DGKA: variants seen among roughly 807,000 people sequenced by gnomAD.
DGKA encodes 80 kDa diacylglycerol kinase.
In DGKA, 35 loss-of-function variants were observed where a neutral mutation model predicts 105.0. That is an observed-to-expected ratio of 0.33 (90% CI 0.25 to 0.44). DGKA has a LOEUF of 0.44. Among genes scored for constraint, DGKA ranks in the 20% least tolerant of loss-of-function variants. DGKA has a pLI of 1.00. For synonymous variants in DGKA, 296 were observed against 332.0 expected (o/e 0.89, Z 1.18); for missense variants, 665 against 915.0 (o/e 0.73, Z 3.53).
chr12:55,950,558 G>A (rs1041551221), intron 17 of DGKA, among the ~76,000 whole-genome samples: 19 of 152,020 alleles, frequency 1.2e-4, no homozygotes, highest in Admixed American at 4.6e-4. Flanking sequence ...CGCCCGCCTC[G>A]GCCTCCCAAA....
At position 55,941,430 on chromosome 12, in the gene DGKA, A is replaced by C. The variant is rs577791780; in HGVS notation, c.1176-80A>C. On this transcript the variant is annotated intron_variant, in intron 14 of 23. Coordinates refer to ENST00000331886, the MANE Select transcript of DGKA (RefSeq NM_001345.5). ...GTGTCTGGAGGGGCATACCTTGAGG[A>C]ACACACAAAGAGGGTGAGGTTCAGA... 5 of 1,585,816 alleles carry C rather than the reference A, an allele frequency of 3.2e-6. No individual in the cohort carries two copies. The East Asian group carries it at 1.1e-4, about 35-fold the overall frequency.
At position 55,932,573 on chromosome 12, in the gene DGKA, T is replaced by C. The variant is rs915793272; in HGVS notation, c.-82+1229T>C. On this transcript the variant is annotated intron_variant, in intron 1 of 23. Transcript: ENST00000331886. This position sits in a 1 kb window ranked among gnomAD's most constrained non-coding sequence, Gnocchi z 4.3. Reference sequence around the variant, plus strand: ...TTCACCTTGATAGGAGAAATGAGCCTTCCTGAGGAAGAATGGCAAATATTA... The same window carrying C: ...TTCACCTTGATAGGAGAAATGAGCCCTCCTGAGGAAGAATGGCAAATATTA... 8.5e-6 allele frequency: 6 copies of C among 702,228 alleles called. No individual in the cohort carries two copies. The highest frequency in any genetic ancestry group is 2.3e-4 in the Middle Eastern group (1 of 4,386). 43.5% of individuals were successfully genotyped at this position (702,228 alleles called of 1,614,324 possible). A position where few individuals can be genotyped will look rare whatever the true frequency, so the allele number is the denominator to read the frequency against.
intron 15 of DGKA, among the ~76,000 whole-genome samples, 159 bp from the exon 16 acceptor site, chr12:55,941,839 C>T (rs537021902): frequency 5.9e-5 from 9 of 152,260 alleles, no homozygotes; most frequent in Admixed American, 2.0e-4. Flanking sequence ...ATAACTTTCC[C>T]CATTGTTCTT....
chr12:55,928,778 G>A (rs1264563350), upstream of DGKA, among the ~76,000 whole-genome samples: 2 of 149,910 alleles, frequency 1.3e-5, no homozygotes, highest in African/African-American at 4.9e-5. Context: ...TCTGGGGGCC[G>A]CAGCTTGCCT....
chr12:55,942,150 C>T, intron 16 of DGKA, 24 bp from the exon 17 acceptor site: 1 of 1,614,096 alleles, frequency 6.2e-7, no homozygotes, highest in South Asian at 1.1e-5. Flanking sequence ...CTCACTCCAT[C>T]CTTCTCTTCA....
At chr12:55,944,920 C>T (rs1261615065) in intron 17 of DGKA, among the ~76,000 whole-genome samples, 1 of 152,174 alleles carries the variant, frequency 6.6e-6, no homozygotes, top group Non-Finnish European at 1.5e-5. Flanking sequence ...CTGCCTTACC[C>T]TCCCGAGTAG....
chr12:55,947,303 C>A (rs1054513610), intron 17 of DGKA, among the ~76,000 whole-genome samples: 3 of 152,030 alleles, frequency 2.0e-5, no homozygotes, highest in Non-Finnish European at 4.4e-5. Context: ...ATTTTTAAAA[C>A]CTTTTTTCTT....
intron 17 of DGKA, among the ~76,000 whole-genome samples, chr12:55,944,693 A>C (rs1886665618): frequency 1.3e-5 from 2 of 152,200 alleles, no homozygotes; most frequent in Non-Finnish European, 2.9e-5. Context: ...TGGATAACTG[A>C]TAGGTTGTGG....
Position 55,940,142 on chromosome 12 carries a change from C to T in DGKA, c.770C>T (p.Thr257Ile). The change falls in exon 10 of 24, where the codon ACC (threonine) becomes ATC (isoleucine). Residue 257 changes from threonine to isoleucine, a missense_variant. Thr to Ile is a moderately conservative substitution (Grantham distance 89, BLOSUM62 -1). Coordinates refer to ENST00000331886, the MANE Select transcript of DGKA (RefSeq NM_001345.5). This position sits in a 1 kb window ranked among gnomAD's most constrained non-coding sequence, Gnocchi z 4.3. ...AAAGCCCTGCCTTGTGAAGTCAGCA[C>T]CTATGCCAAGTCTCGGAAGGACATT... ...AMKALPCEVS[T>I]YAKSRKDIGV... is the part of the protein sequence containing the mutation. 1.2e-6 allele frequency: 2 copies of T among 1,614,240 alleles called. No homozygotes were observed. Among genetic ancestry groups the T allele is most frequent in the Non-Finnish European group, 1.7e-6 (2 of 1,180,040 alleles).
At chr12:55,941,127 G>A (rs887769597) in intron 13 of DGKA, 125 bp from the exon 14 acceptor site, 1 of 1,361,566 alleles carries the variant, frequency 7.3e-7, no homozygotes, top group African/African-American at 1.5e-5. Context: ...GGGAAGGGGA[G>A]GGAAACAGGA....
chr12:55,942,114 T>G, intron 16 of DGKA, 31 bp downstream of exon 16: 3 of 1,613,858 alleles, frequency 1.9e-6, no homozygotes, highest in African/African-American at 2.7e-5. Context: ...GGGGAAGGTA[T>G]TGGGGTCGTA....
At position 55,932,677 on chromosome 12, in the gene DGKA, C is replaced by CGGT; in HGVS notation, c.-82+1334_-82+1335insGTG. ...AGTATCGTAACTTCCTCCTATACTA[C>CGGT]GCAATGACACCCTCTACACACACAC... On this transcript the variant is annotated intron_variant, in intron 1 of 23. Coordinates refer to ENST00000331886, the MANE Select transcript of DGKA (RefSeq NM_001345.5). This position sits in a 1 kb window ranked among gnomAD's most constrained non-coding sequence, Gnocchi z 4.3. 1.5e-6 allele frequency: 1 copy of CGGT among 684,666 alleles called. No individual in the cohort carries two copies. Among genetic ancestry groups the CGGT allele is most frequent in the Non-Finnish European group, 2.7e-6 (1 of 375,392 alleles). The allele number at this position is 684,666 out of a possible 1,614,324, so 42.4% of individuals were successfully genotyped here.
At chr12:55,927,384 C>T (rs1266260385), upstream of DGKA, 1 of 715,550 alleles carries the variant, frequency 1.4e-6, no homozygotes, top group Non-Finnish European at 2.5e-6. Flanking sequence ...GAGGCACAGT[C>T]CCTCTCATCC....
chr12:55,941,062 G>C (rs1176583565), intron 13 of DGKA, 82 bp downstream of exon 13: 1 of 1,479,008 alleles, frequency 6.8e-7, no homozygotes, highest in African/African-American at 1.4e-5. Context: ...AAGTGGGAGA[G>C]CCTGGTGGGG....
intron 4 of DGKA, 144 bp from the exon 5 acceptor site, chr12:55,937,834 C>T: frequency 1.3e-6 from 1 of 777,034 alleles, no homozygotes; most frequent in Non-Finnish European, 2.1e-6. Context: ...TGCACTCCAG[C>T]CTCAGTGACA....
At chr12:55,948,896 G>A (rs368072060) in intron 17 of DGKA, among the ~76,000 whole-genome samples, 38 of 151,906 alleles carry the variant, frequency 2.5e-4, no homozygotes, top group African/African-American at 8.7e-4. Context: ...GGTGGCACAC[G>A]CCTGTAATCC....
intron 17 of DGKA, chr12:55,943,240 C>G (rs1188913250): frequency 1.3e-5 from 2 of 151,818 alleles, no homozygotes; most frequent in Admixed American, 1.3e-4. Flanking sequence ...ATCACAATCC[C>G]CTTGGCTCCC....
Position 55,940,010 on chromosome 12 carries a change from C to T in DGKA, c.710-72C>T, listed in dbSNP as rs1361060418. ...CAAGGGATCACATATCTGATCCTGCCTCACCCTCAGGTAAGAAGGAAATAG... is the reference window on the plus strand; with the variant it reads ...CAAGGGATCACATATCTGATCCTGCTTCACCCTCAGGTAAGAAGGAAATAG... On this transcript the variant is annotated intron_variant, in intron 9 of 23. Transcript: ENST00000331886. This position sits in a 1 kb window ranked among gnomAD's most constrained non-coding sequence, Gnocchi z 4.3. 2 of 1,374,900 alleles carry T rather than the reference C, an allele frequency of 1.5e-6. No individual in the cohort carries two copies. The highest frequency in any genetic ancestry group is 2.1e-6 in the Non-Finnish European group (2 of 965,554). The allele number at this position is 1,374,900 out of a possible 1,614,324, so 85.2% of individuals were successfully genotyped here.
intron 17 of DGKA, among the ~76,000 whole-genome samples, chr12:55,949,967 C>A (rs556074163): frequency 2.5e-4 from 38 of 151,988 alleles, no homozygotes; most frequent in Middle Eastern, 3.4e-3. Context: ...CATGCCACCA[C>A]ACCTGGCTAA....
Sources: allele counts gnomAD v4.1 joint callset (sites outside exome capture counted in the v4.1 genomes callset), GRCh38; gene constraint gnomAD v4.1.1; non-coding constraint Gnocchi (gnomAD v3.1); transcripts MANE v1.5; gene names NCBI Gene and HGNC (gene_info 2026-07-23, HGNC 2026-07-21).